The following PRKG1 variants were observed in gnomAD, a reference collection of about 807,000 sequenced individuals.
PRKG1 encodes the protein protein kinase cGMP-dependent 1, also known as cGMP-dependent protein kinase 1.
A neutral mutation model predicts 88.1 loss-of-function variants in PRKG1; 35 were observed. That is an observed-to-expected ratio of 0.40 (90% confidence interval 0.30 to 0.53). The LOEUF (loss-of-function observed/expected upper bound fraction) is 0.53, where lower values mean the gene tolerates loss of function less well. PRKG1 is among the 20% of genes least tolerant of loss of function. The pLI is 0.59. For synonymous variants in PRKG1, 303 were observed against 292.5 expected, an observed-to-expected ratio of 1.04 and a Z score of -0.37; for missense variants, 540 against 839.8, an observed-to-expected ratio of 0.64 and a Z score of 4.41.
intron 3 of PRKG1, among the ~76,000 whole-genome samples, chr10:51,481,735 G>A (rs1461781057): frequency 3.9e-5 from 4 of 103,732 alleles, no homozygotes; most frequent in East Asian, 9.4e-4. Context: ...TTGTAAAAAG[G>A]CTCATTTTTT....
intron 3 of PRKG1, among the ~76,000 whole-genome samples, chr10:51,701,171 A>C (rs1169563233): frequency 6.6e-6 from 1 of 152,254 alleles, no homozygotes; most frequent in Non-Finnish European, 1.5e-5. Context: ...ATTTAAAATT[A>C]TATGGATAGA....
At position 51,718,525 on chromosome 10, in the gene PRKG1, C is replaced by T. The variant is rs145476527; in HGVS notation, c.593-86060C>T. 8.3e-3 allele frequency among the ~76,000 whole-genome samples: 1,257 copies of T among 152,164 alleles called. 20 individuals carry two copies. Among genetic ancestry groups the T allele is most frequent in the African/African-American group, 0.028 (1,178 of 41,518 alleles). On this transcript the variant is annotated intron_variant, in intron 3 of 17. Transcript: ENST00000373980. ...TTCTTCTAAAGGGTAGCCATTGGGGCATTTTAAGCAAACAAGTGACACATA... is the reference window on the plus strand; with the variant it reads ...TTCTTCTAAAGGGTAGCCATTGGGGTATTTTAAGCAAACAAGTGACACATA...
chr10:52,020,086 T>C (rs12780573), intron 5 of PRKG1, among the ~76,000 whole-genome samples: 30,305 of 115,972 alleles, frequency 0.26, 3,193 homozygotes, highest in East Asian at 0.49. Context: ...TGCTTCAGTT[T>C]CTGAGTTTTT....
intron 3 of PRKG1, among the ~76,000 whole-genome samples, chr10:51,647,731 T>C (rs1185573211): frequency 6.6e-6 from 1 of 152,170 alleles, no homozygotes; most frequent in Non-Finnish European, 1.5e-5. Context: ...CTCTTGATAA[T>C]AAAAATGCTC....
intron 7 of PRKG1, among the ~76,000 whole-genome samples, chr10:52,127,140 TAGAC>T (rs918554794): frequency 2.7e-5 from 4 of 150,236 alleles, no homozygotes; most frequent in Admixed American, 1.3e-4. Flanking sequence ...ATATGAGAGA[TAGAC>T]AGAGATAGAA....
chr10:51,093,797 TATATACAC>T (rs1254950246), intron 1 of PRKG1, among the ~76,000 whole-genome samples: 3 of 117,586 alleles, frequency 2.6e-5, no homozygotes, highest in African/African-American at 1.3e-4. Context: ...TTTATATATA[TATATACAC>T]ACACACACAC....
intron 4 of PRKG1, among the ~76,000 whole-genome samples, chr10:51,809,243 T>G (rs1564655683): frequency 6.6e-6 from 1 of 152,026 alleles, no homozygotes; most frequent in Non-Finnish European, 1.5e-5. Flanking sequence ...GTGCCTGTAT[T>G]TCAGATTCCC....
At chr10:51,354,995 A>G (rs1842334742) in intron 2 of PRKG1, among the ~76,000 whole-genome samples, 1 of 152,112 alleles carries the variant, frequency 6.6e-6, no homozygotes, top group Non-Finnish European at 1.5e-5. Context: ...ACTCAGATGC[A>G]TAAATTAGAG....
chr10:51,944,960 G>A (rs1842992465), intron 5 of PRKG1, among the ~76,000 whole-genome samples: 1 of 151,512 alleles, frequency 6.6e-6, no homozygotes, highest in Admixed American at 6.6e-5. Context: ...TTCTGTAGAT[G>A]TCTATTAGGT....
At chr10:51,435,075 C>G (rs1329585953) in intron 2 of PRKG1, among the ~76,000 whole-genome samples, 1 of 152,012 alleles carries the variant, frequency 6.6e-6, no homozygotes, top group Non-Finnish European at 1.5e-5. Context: ...TGCACTACAA[C>G]TCTATTTATA....
At chr10:51,940,325 T>C (rs1045105775) in intron 5 of PRKG1, among the ~76,000 whole-genome samples, 29 of 151,988 alleles carry the variant, frequency 1.9e-4, no homozygotes, top group Admixed American at 1.2e-3. Context: ...AGCCCTCTAC[T>C]GATGGTCAGT....
chr10:51,957,287 CT>C (rs71032610), intron 5 of PRKG1, among the ~76,000 whole-genome samples: 91,091 of 142,138 alleles, frequency 0.64, 29,635 homozygotes, highest in Non-Finnish European at 0.68. Flanking sequence ...CTTTTCTTTT[CT>C]TTTTTTTTTC....
intron 2 of PRKG1, among the ~76,000 whole-genome samples, chr10:51,290,953 A>G (rs890025604): frequency 2.0e-5 from 3 of 152,154 alleles, no homozygotes; most frequent in Non-Finnish European, 2.9e-5. Flanking sequence ...TTACTTCAAT[A>G]TATACTATAA....
chr10:51,246,100 C>T (rs1204016868), intron 2 of PRKG1, among the ~76,000 whole-genome samples: 1 of 152,052 alleles, frequency 6.6e-6, no homozygotes, highest in Non-Finnish European at 1.5e-5. Context: ...AAATTCATAG[C>T]TATGCACCTA....
intron 4 of PRKG1, among the ~76,000 whole-genome samples, chr10:51,826,857 G>T (rs1208975398): frequency 6.6e-6 from 1 of 152,130 alleles, no homozygotes; most frequent in East Asian, 1.9e-4. Flanking sequence ...CAATAGACAA[G>T]ATGTGAAATA....
At chr10:52,002,391 T>A (rs955685553) in intron 5 of PRKG1, among the ~76,000 whole-genome samples, 1 of 152,154 alleles carries the variant, frequency 6.6e-6, no homozygotes, top group Middle Eastern at 3.2e-3. Context: ...TAATGCTTTC[T>A]TCTTACTATT....
intron 3 of PRKG1, among the ~76,000 whole-genome samples, chr10:51,755,512 A>T (rs1274492295): frequency 2.0e-5 from 3 of 152,130 alleles, no homozygotes; most frequent in Non-Finnish European, 2.9e-5. Context: ...CAACAAACAA[A>T]CCCAAGAATA....
intron 2 of PRKG1, among the ~76,000 whole-genome samples, chr10:51,261,669 C>T (rs1839708999): frequency 6.6e-6 from 1 of 152,110 alleles, no homozygotes; most frequent in Non-Finnish European, 1.5e-5. Context: ...GCTTATTATA[C>T]ACTGTACATT....
rs1356830411 is a variant in PRKG1, at chr10:51,553,704, TGTATATAATATATGTATATATTAGATAC to T, written c.592+85871_592+85898del. On this transcript the variant is annotated intron_variant, in intron 3 of 17. Transcript: ENST00000373980. The stretch of plus-strand genomic sequence containing the variant: ...TCCTTGGTTGTGATTATTATATACG[TGTATATAATATATGTATATATTAGATAC>T]GTGTATATAATATATGTATATATTA... 2.7e-4 allele frequency among the ~76,000 whole-genome samples: 38 copies of T among 139,534 alleles called. No homozygotes were observed. The South Asian group carries it at 7.7e-3, about 28-fold the overall frequency. The allele number at this position is 139,534 out of a possible 152,430, so 91.5% of individuals were successfully genotyped here.
Sources: gnomAD v4.1 joint callset for allele counts (sites outside exome capture counted in the v4.1 genomes callset) on GRCh38, gnomAD v4.1.1 for gene constraint, MANE v1.5 for transcripts, NCBI Gene and HGNC (gene_info 2026-07-23, HGNC 2026-07-21) for gene names.